ASIC2: variants seen among roughly 807,000 people sequenced by gnomAD.
ASIC2 encodes acid sensing ion channel subunit 2.
A neutral mutation model predicts 57.3 loss-of-function variants in ASIC2; 25 were observed. The ratio of observed to expected loss-of-function variants is 0.44; its 90% CI spans 0.32 to 0.61. ASIC2 has a LOEUF of 0.61. ASIC2 is among the 20% of genes least tolerant of loss of function. The pLI is 0.06. For synonymous variants in ASIC2, 319 were observed against 307.5 expected (o/e 1.04, Z -0.39); for missense variants, 641 against 738.1 (o/e 0.87, Z 1.52).
rs151276745 is a variant in ASIC2 at position 33,913,583 on chromosome 17, A to G, written c.555+242395T>C. On this transcript the variant is annotated intron_variant, in intron 1 of 9. Transcript: ENST00000359872. ...CACTACCATTAGCTTGATCTACTGAATTATATCTCTAAAATGAATCTGAAA... is the reference window on the plus strand; with the variant it reads ...CACTACCATTAGCTTGATCTACTGAGTTATATCTCTAAAATGAATCTGAAA... Among the ~76,000 whole-genome samples the G allele has an allele frequency of 1.8e-4, 28 of 152,308 alleles. No individual in the cohort carries two copies. In the East Asian group the frequency reaches 4.2e-3, roughly 23 times the overall value.
chr17:33,111,231 C>T (rs2092256877), intron 2 of ASIC2, among the ~76,000 whole-genome samples: 2 of 152,240 alleles, frequency 1.3e-5, no homozygotes, highest in South Asian at 2.1e-4. Context: ...TTCCCTGACC[C>T]TGTTCCCTGT....
intron 1 of ASIC2, among the ~76,000 whole-genome samples, chr17:34,122,421 G>C (rs1458011529): frequency 6.6e-6 from 1 of 152,206 alleles, no homozygotes; most frequent in Admixed American, 6.5e-5. Context: ...TATTCCCTGT[G>C]GTTCACGGTT....
rs73287837 is a variant in ASIC2, at chr17:33,393,920, C to T, written c.556-281853G>A. ...ATGCTTCTCAATTTAAACTCCAACA[C>T]TTCTACTTAGCCATGTAATCTTGGG... On this transcript the variant is annotated intron_variant, in intron 1 of 9. Transcript: ENST00000359872. 3.5e-3 allele frequency among the ~76,000 whole-genome samples: 529 copies of T among 152,326 alleles called. 5 individuals are homozygous for T. Among genetic ancestry groups the T allele is most frequent in the African/African-American group, 0.012 (510 of 41,564 alleles).
chr17:33,721,988 A>G (rs1401707678), intron 1 of ASIC2, among the ~76,000 whole-genome samples: 1 of 152,254 alleles, frequency 6.6e-6, no homozygotes, highest in Non-Finnish European at 1.5e-5. Context: ...AACATTTATC[A>G]TCATATCTAA....
At chr17:33,956,347 G>A (rs932082491) in intron 1 of ASIC2, among the ~76,000 whole-genome samples, 2 of 152,194 alleles carry the variant, frequency 1.3e-5, no homozygotes, top group Admixed American at 1.3e-4. Context: ...TGTGGCACAA[G>A]TCTAAGTTCT....
At chr17:34,072,494 T>C (rs1909452900) in intron 1 of ASIC2, among the ~76,000 whole-genome samples, 1 of 152,220 alleles carries the variant, frequency 6.6e-6, no homozygotes, top group South Asian at 2.1e-4. Context: ...CTGCTAGTGC[T>C]TTAAAAACTT....
At chr17:33,431,987 G>A (rs1483096134) in intron 1 of ASIC2, among the ~76,000 whole-genome samples, 1 of 152,146 alleles carries the variant, frequency 6.6e-6, no homozygotes, top group African/African-American at 2.4e-5. Context: ...AAAGACTTAT[G>A]GCAAATCACA....
intron 1 of ASIC2, chr17:34,004,090 G>C (rs182325280): frequency 2.6e-5 from 4 of 152,316 alleles, no homozygotes; most frequent in African/African-American, 9.6e-5. Context: ...GTTATGGTGG[G>C]ACCCTTTGGA....
intron 1 of ASIC2, among the ~76,000 whole-genome samples, chr17:33,136,163 T>A (rs1399461280): frequency 2.6e-5 from 4 of 152,250 alleles, no homozygotes; most frequent in Admixed American, 2.6e-4. Flanking sequence ...GGTGTGGATG[T>A]GTCTGTGTGC....
intron 1 of ASIC2, among the ~76,000 whole-genome samples, chr17:33,121,193 G>A (rs1236942820): frequency 5.9e-5 from 9 of 152,234 alleles, no homozygotes. Context: ...TGTGGATGTT[G>A]AATCTCAGAT....
intron 1 of ASIC2, among the ~76,000 whole-genome samples, chr17:33,637,758 C>G (rs1487109531): frequency 6.6e-6 from 1 of 152,184 alleles, no homozygotes; most frequent in African/African-American, 2.4e-5. Flanking sequence ...GCCTGCTGCA[C>G]AAATGAAACT....
At chr17:34,064,380 G>T (rs1039429345) in intron 1 of ASIC2, among the ~76,000 whole-genome samples, 9 of 152,260 alleles carry the variant, frequency 5.9e-5, no homozygotes, top group African/African-American at 2.2e-4. Context: ...ATCAACTCAA[G>T]TTGGATTAAG....
chr17:33,964,940 C>A (rs1377763053), intron 1 of ASIC2, among the ~76,000 whole-genome samples: 1 of 152,136 alleles, frequency 6.6e-6, no homozygotes, highest in Non-Finnish European at 1.5e-5. Context: ...ATGTTGAATT[C>A]TTGGCTAACA....
chr17:34,093,026 T>C (rs1910388383), intron 1 of ASIC2, among the ~76,000 whole-genome samples: 1 of 152,372 alleles, frequency 6.6e-6, no homozygotes, highest in African/African-American at 2.4e-5. Context: ...TGTTGACATA[T>C]GCAGCTCTGG....
intron 1 of ASIC2, among the ~76,000 whole-genome samples, chr17:33,924,004 T>A (rs910151227): frequency 6.6e-6 from 1 of 152,238 alleles, no homozygotes; most frequent in African/African-American, 2.4e-5. Flanking sequence ...CCACCAGCTG[T>A]GTGATCTTCA....
intron 1 of ASIC2, among the ~76,000 whole-genome samples, chr17:33,717,845 G>A (rs1214613968): frequency 6.6e-6 from 1 of 152,196 alleles, no homozygotes; most frequent in Non-Finnish European, 1.5e-5. Flanking sequence ...GGATATAAAA[G>A]CTGAGCTTAG....
intron 1 of ASIC2, among the ~76,000 whole-genome samples, chr17:33,853,755 G>A (rs868418239): frequency 2.0e-5 from 3 of 152,198 alleles, no homozygotes; most frequent in South Asian, 2.1e-4. Flanking sequence ...GTCTAGCACC[G>A]AGCTTGGTCT....
At chr17:33,610,095 T>G (rs1188726255) in intron 1 of ASIC2, among the ~76,000 whole-genome samples, 2 of 139,696 alleles carry the variant, frequency 1.4e-5, no homozygotes, top group Non-Finnish European at 3.1e-5. Flanking sequence ...CACAGATATA[T>G]GCACACACAA....
chr17:33,130,498 A>T (rs2092341407), intron 1 of ASIC2, among the ~76,000 whole-genome samples: 1 of 152,192 alleles, frequency 6.6e-6, no homozygotes, highest in South Asian at 2.1e-4. Flanking sequence ...GCAACCACAA[A>T]CAATTTTGAT....
Sources: allele counts gnomAD v4.1 joint callset (sites outside exome capture counted in the v4.1 genomes callset), GRCh38; gene constraint gnomAD v4.1.1; transcripts MANE v1.5; gene names NCBI Gene and HGNC (gene_info 2026-07-23, HGNC 2026-07-21).